TMTC2: variants seen among roughly 807,000 people sequenced by gnomAD.
TMTC2 encodes transmembrane O-mannosyltransferase targeting cadherins 2.
TMTC2 carries 43 observed loss-of-function variants against 82.4 expected under a neutral mutation model. The observed-to-expected ratio is 0.52, with a 90% confidence interval of 0.41 to 0.67. The LOEUF is 0.67. TMTC2 is among the 30% of genes least tolerant of loss of function. The probability of loss-of-function intolerance (pLI) is 0.00; values close to 1 mark genes in which losing one functional copy is unlikely to be tolerated. For missense variants in TMTC2, 919 were observed against 1,012.4 expected, an observed-to-expected ratio of 0.91 and a Z score of 1.25; for synonymous variants, 408 against 381.9, an observed-to-expected ratio of 1.07 and a Z score of -0.80.
intron 11 of TMTC2, among the ~76,000 whole-genome samples, chr12:83,116,819 G>A (rs995408012): frequency 2.0e-5 from 3 of 151,992 alleles, no homozygotes; most frequent in African/African-American, 7.2e-5. Context: ...TCATTGTAGA[G>A]TCTGGATATT....
rs370298870 is a variant in TMTC2 at position 82,857,496 on chromosome 12, G to C, written c.570G>C (p.Val190=). The C allele has an allele frequency of 1.2e-6, 2 of 1,614,066 alleles. No homozygotes were observed. The highest frequency in any genetic ancestry group is 1.3e-5 in the African/African-American group (1 of 74,934). ...GCSMLWKEQG[V]TVLAVSAVYD... ...GCATGTTGTGGAAGGAACAAGGAGT[G>C]ACTGTTCTCGCAGTTTCAGCAGTTT... The change falls in exon 2 of 12, where the codon GTG becomes GTC. Residue 190 remains valine (V), a synonymous_variant. Coordinates refer to ENST00000321196, the MANE Select transcript of TMTC2 (RefSeq NM_152588.3).
intron 8 of TMTC2, among the ~76,000 whole-genome samples, chr12:82,989,176 G>A (rs1335041979): frequency 1.3e-5 from 2 of 151,694 alleles, no homozygotes; most frequent in Admixed American, 6.6e-5. Flanking sequence ...TTGGAAGATA[G>A]GAGAATAAAG....
intron 3 of TMTC2, among the ~76,000 whole-genome samples, chr12:82,911,245 A>G (rs1333399893): frequency 1.3e-5 from 2 of 151,978 alleles, no homozygotes; most frequent in Non-Finnish European, 2.9e-5. Flanking sequence ...GGAAAATGCA[A>G]CATTTGGGCA....
intron 4 of TMTC2, among the ~76,000 whole-genome samples, chr12:82,946,141 C>T (rs533160866): frequency 6.6e-6 from 1 of 152,184 alleles, no homozygotes; most frequent in Admixed American, 6.5e-5. Flanking sequence ...TAAAACATTG[C>T]ATGTATTACC....
intron 4 of TMTC2, among the ~76,000 whole-genome samples, chr12:82,952,176 G>A (rs1367353647): frequency 6.6e-6 from 1 of 151,818 alleles, no homozygotes; most frequent in East Asian, 1.9e-4. Context: ...CCTCTTTCTA[G>A]TATTTGGATA....
At chr12:82,919,131 A>G (rs1447691183) in intron 3 of TMTC2, among the ~76,000 whole-genome samples, 1 of 152,234 alleles carries the variant, frequency 6.6e-6, no homozygotes, top group Admixed American at 6.5e-5. Context: ...GTCCAAGAGT[A>G]TTGTGCTGGC....
intron 11 of TMTC2, among the ~76,000 whole-genome samples, chr12:83,131,872 C>A (rs1178096193): frequency 6.6e-6 from 1 of 152,004 alleles, no homozygotes; most frequent in Admixed American, 6.6e-5. Flanking sequence ...AAATTCTTTC[C>A]ATCTGAAATT....
chr12:82,984,959 G>C (rs1592674954), intron 7 of TMTC2, among the ~76,000 whole-genome samples: 1 of 152,046 alleles, frequency 6.6e-6, no homozygotes, highest in East Asian at 1.9e-4. Context: ...GTAGTGCTGG[G>C]CATGCTTAAT....
At chr12:82,805,080 T>A (rs2137041408) in intron 1 of TMTC2, among the ~76,000 whole-genome samples, 1 of 152,244 alleles carries the variant, frequency 6.6e-6, no homozygotes, top group Admixed American at 6.5e-5. Flanking sequence ...TTCCATTGGC[T>A]GGAACAGGAC....
chr12:82,957,087 C>T (rs1877655767), intron 4 of TMTC2, among the ~76,000 whole-genome samples: 2 of 152,144 alleles, frequency 1.3e-5, no homozygotes, highest in African/African-American at 4.8e-5. Flanking sequence ...ACATTCTTCT[C>T]ATCTGTACAT....
chr12:82,858,093 G>A (rs1305101608), intron 2 of TMTC2, among the ~76,000 whole-genome samples: 1 of 152,050 alleles, frequency 6.6e-6, no homozygotes, highest in Non-Finnish European at 1.5e-5. Flanking sequence ...CCTTTTTCTC[G>A]TGATAGTGCA....
At chr12:82,876,057 GTGGTGGTGGTGA>G (rs770306738) in intron 2 of TMTC2, among the ~76,000 whole-genome samples, 8,329 of 137,006 alleles carry the variant, frequency 0.061, 506 homozygotes, top group Middle Eastern at 0.12. Flanking sequence ...GGTGGTGGTG[GTGGTGGTGGTGA>G]TGATGATGAT....
chr12:82,878,000 C>T (rs1200185561), intron 2 of TMTC2, among the ~76,000 whole-genome samples: 2 of 152,222 alleles, frequency 1.3e-5, no homozygotes, highest in African/African-American at 2.4e-5. Context: ...CACAGACACA[C>T]AGATGAGATT....
At chr12:83,084,652 A>G (rs941607131) in intron 11 of TMTC2, among the ~76,000 whole-genome samples, 2 of 152,346 alleles carry the variant, frequency 1.3e-5, no homozygotes, top group Non-Finnish European at 2.9e-5. Context: ...ACTAAAATTC[A>G]AAACATGTTT....
intron 1 of TMTC2, among the ~76,000 whole-genome samples, chr12:82,732,533 T>C (rs954835916): frequency 3.3e-5 from 5 of 152,070 alleles, no homozygotes; most frequent in African/African-American, 1.2e-4. Context: ...TTAGTAGAAA[T>C]GGGGTTTCAC....
chr12:82,811,589 A>G (rs1274471140), intron 1 of TMTC2, among the ~76,000 whole-genome samples: 1 of 152,010 alleles, frequency 6.6e-6, no homozygotes, highest in Non-Finnish European at 1.5e-5. Context: ...TAGTATTTTC[A>G]AAGGATGGGT....
At chr12:83,062,944 T>A (rs986265898) in intron 11 of TMTC2, among the ~76,000 whole-genome samples, 1 of 151,808 alleles carries the variant, frequency 6.6e-6, no homozygotes, top group African/African-American at 2.4e-5. Flanking sequence ...AAAAAACATA[T>A]CTTTTTCTTA....
intron 1 of TMTC2, among the ~76,000 whole-genome samples, chr12:82,806,063 T>A (rs1879227383): frequency 1.3e-5 from 2 of 151,846 alleles, no homozygotes; most frequent in South Asian, 4.2e-4. Context: ...TCAGACAGTG[T>A]GGGATATGAA....
chr12:82,722,455 T>C (rs1592873941), intron 1 of TMTC2, among the ~76,000 whole-genome samples: 1 of 140,616 alleles, frequency 7.1e-6, no homozygotes, highest in East Asian at 2.1e-4. Context: ...TAGTCCCAGC[T>C]ACTTGGGAGG....
Sources: gnomAD v4.1 joint callset for allele counts (sites outside exome capture counted in the v4.1 genomes callset) on GRCh38, gnomAD v4.1.1 for gene constraint, MANE v1.5 for transcripts, NCBI Gene and HGNC (gene_info 2026-07-23, HGNC 2026-07-21) for gene names.